Variants in MAPK1IP1L observed in about 807,000 individuals in gnomAD.
MAPK1IP1L encodes MAPK-interacting and spindle-stabilizing protein-like.
A neutral mutation model predicts 18.1 loss-of-function variants in MAPK1IP1L; 10 were observed. The ratio of observed to expected loss-of-function variants is 0.55; its 90% confidence interval spans 0.34 to 0.94. The LOEUF (loss-of-function observed/expected upper bound fraction) is 0.94, where lower values mean the gene tolerates loss of function less well. MAPK1IP1L is among the 40% of genes least tolerant of loss of function. The pLI is 0.02. For synonymous variants in MAPK1IP1L, 115 were observed against 117.3 expected (o/e 0.98, Z 0.13); for missense variants, 260 against 318.2 (o/e 0.82, Z 1.39).
At chr14:55,061,890 A>G (rs772460318) in intron 2 of MAPK1IP1L, among the ~76,000 whole-genome samples, 189 bp downstream of exon 2, 2 of 152,176 alleles carry the variant, frequency 1.3e-5, no homozygotes, top group Non-Finnish European at 2.9e-5. Context: ...GTGAGCCATG[A>G]TTGTGCCATT....
intron 1 of MAPK1IP1L, among the ~76,000 whole-genome samples, chr14:55,052,595 A>AT (rs745363370): frequency 2.6e-5 from 4 of 152,188 alleles, no homozygotes; most frequent in East Asian, 1.9e-4. Flanking sequence ...GACCGCAAGA[A>AT]TTTTTTTTAG....
At chr14:55,059,225 G>GAAAAAAAAAAAAAAAAAAAAAAAAATTAA (rs3078612) in intron 1 of MAPK1IP1L, among the ~76,000 whole-genome samples, 3 of 63,272 alleles carry the variant, frequency 4.7e-5, no homozygotes, top group African/African-American at 5.8e-5. Flanking sequence ...AGGAAAATCT[G>GAAAAAAAAAAAAAAAAAAAAAAAAATTAA]AAAAAAAAAA....
chr14:55,064,505 G>A (rs2042846875), intron 3 of MAPK1IP1L, 111 bp from the exon 4 acceptor site: 1 of 860,470 alleles, frequency 1.2e-6, no homozygotes, highest in African/African-American at 1.7e-5. Context: ...TAAATGATGT[G>A]ACTTGCTGTT....
intron 2 of MAPK1IP1L, among the ~76,000 whole-genome samples, chr14:55,062,251 T>C (rs1361330039): frequency 6.6e-6 from 1 of 152,234 alleles, no homozygotes; most frequent in African/African-American, 2.4e-5. Flanking sequence ...GAAGAGGCTC[T>C]ATCTCAGAGT....
intron 1 of MAPK1IP1L, 92 bp from the exon 2 acceptor site, chr14:55,061,588 A>G: frequency 1.2e-6 from 1 of 815,502 alleles, no homozygotes; most frequent in South Asian, 1.6e-5. Flanking sequence ...ATAATAATGT[A>G]TGCATAGAAA....
intron 1 of MAPK1IP1L, chr14:55,060,502 C>G (rs535580173): frequency 6.6e-6 from 1 of 152,232 alleles, no homozygotes; most frequent in South Asian, 2.1e-4. Flanking sequence ...TATATGAAAG[C>G]TAGTCTGCTT....
chr14:55,061,705 A>C lies in MAPK1IP1L; in HGVS notation c.18+4A>C, dbSNP rs759000667. ...GAAAATGTCTGATGAATTTTCGGTA[A>C]GTTGATCAGTTTATCTGTGATAAGT... is the stretch of plus-strand genomic sequence containing the variant. On this transcript the variant is annotated splice_donor_region_variant and intron_variant, in intron 2 of 3. Transcript: ENST00000395468. 5 of 1,567,290 alleles carry C rather than the reference A, an allele frequency of 3.2e-6. No homozygotes were observed. Among genetic ancestry groups the C allele is most frequent in the Non-Finnish European group, 4.3e-6 (5 of 1,150,376 alleles).
chr14:55,060,061 A>C (rs557582573), intron 1 of MAPK1IP1L, among the ~76,000 whole-genome samples: 19 of 152,230 alleles, frequency 1.2e-4, no homozygotes, highest in African/African-American at 4.3e-4. Flanking sequence ...GTATAGGAAA[A>C]CATTGATAGA....
chr14:55,061,664 T>C lies in MAPK1IP1L; in HGVS notation c.-4-16T>C. 1 of 1,545,076 alleles carries C rather than the reference T, an allele frequency of 6.5e-7. No homozygotes were observed. Among genetic ancestry groups the C allele is most frequent in the Middle Eastern group, 1.9e-4 (1 of 5,354 alleles). ...TGAAATTTTTCTTTCTTCCTTCATT[T>C]CTTTTCTTTTTTTAGGAAAATGTCT... is the stretch of plus-strand genomic sequence containing the variant. On this transcript the variant is annotated splice_polypyrimidine_tract_variant and intron_variant, in intron 1 of 3. Coordinates refer to ENST00000395468, the MANE Select transcript of MAPK1IP1L (RefSeq NM_144578.4).
At chr14:55,058,593 G>A (rs1193407298) in intron 1 of MAPK1IP1L, among the ~76,000 whole-genome samples, 1 of 152,224 alleles carries the variant, frequency 6.6e-6, no homozygotes, top group Non-Finnish European at 1.5e-5. Context: ...CACTTTGGGA[G>A]GCTGAGGCGG....
intron 1 of MAPK1IP1L, among the ~76,000 whole-genome samples, chr14:55,053,516 A>G (rs1356217558): frequency 2.0e-5 from 3 of 152,144 alleles, no homozygotes; most frequent in East Asian, 3.8e-4. Flanking sequence ...TGTTTTTTAA[A>G]CTGCGTGCTT....
chr14:55,064,827 A>C lies in MAPK1IP1L; in HGVS notation c.*200A>C. ...GTATACAATCAGATAAAAGCATAGA[A>C]GTAAATCATTCGGATGTGATTTTTA... On this transcript the variant is annotated 3_prime_UTR_variant, in exon 4 of 4. Transcript: ENST00000395468. The C allele has an allele frequency of 2.2e-6, 1 of 450,064 alleles. No homozygotes were observed. 27.9% of individuals were successfully genotyped at this position (450,064 alleles called of 1,614,324 possible).
intron 1 of MAPK1IP1L, among the ~76,000 whole-genome samples, chr14:55,052,411 A>AG (rs2042737813): frequency 6.6e-6 from 1 of 152,204 alleles, no homozygotes; most frequent in African/African-American, 2.4e-5. Flanking sequence ...ATGAATACCC[A>AG]GGGCAAACCA....
intron 1 of MAPK1IP1L, among the ~76,000 whole-genome samples, chr14:55,052,871 T>G (rs999599912): frequency 6.6e-6 from 1 of 152,210 alleles, no homozygotes. Flanking sequence ...CCATCCCCAG[T>G]CTCTTAACTG....
chr14:55,056,757 C>A (rs1380438681), intron 1 of MAPK1IP1L, among the ~76,000 whole-genome samples: 1 of 152,200 alleles, frequency 6.6e-6, no homozygotes, highest in Non-Finnish European at 1.5e-5. Flanking sequence ...GATCCGCCCT[C>A]CTCGGCCTCC....
At chr14:55,060,365 C>CG (rs2042808465) in intron 1 of MAPK1IP1L, 1 of 151,782 alleles carries the variant, frequency 6.6e-6, no homozygotes, top group South Asian at 2.1e-4. Context: ...TTAGTAGAGA[C>CG]GGGGTTTCAC....
chr14:55,055,086 T>G (rs1187081262), intron 1 of MAPK1IP1L, among the ~76,000 whole-genome samples: 5 of 152,224 alleles, frequency 3.3e-5, no homozygotes, highest in Admixed American at 6.5e-5. Context: ...GGCCTCATCT[T>G]AATAATTAGC....
Position 55,056,541 on chromosome 14 carries a change from G to A in MAPK1IP1L, c.-5+4738G>A, listed in dbSNP as rs189259038. Among the ~76,000 whole-genome samples, 150 of 152,224 alleles carry A rather than the reference G, an allele frequency of 9.9e-4. 1 individual carries two copies. Among genetic ancestry groups the A allele is most frequent in the African/African-American group, 3.5e-3 (146 of 41,534 alleles). ...TTTTTTTGTTTTTGAGACGGAGTTT[G>A]CACTGTCACCCAGGCTGGAGTGCAG... On this transcript the variant is annotated intron_variant, in intron 1 of 3. Transcript: ENST00000395468.
intron 1 of MAPK1IP1L, among the ~76,000 whole-genome samples, chr14:55,056,165 A>G (rs2042769909): frequency 6.6e-6 from 1 of 152,158 alleles, no homozygotes; most frequent in Non-Finnish European, 1.5e-5. Flanking sequence ...CACCTCCCCT[A>G]TCTTCCAGAC....
Sources: allele counts gnomAD v4.1 joint callset (sites outside exome capture counted in the v4.1 genomes callset), GRCh38; gene constraint gnomAD v4.1.1; transcripts MANE v1.5; gene names NCBI Gene and HGNC (gene_info 2026-07-23, HGNC 2026-07-21).